WDR70: variants seen among roughly 807,000 people sequenced by gnomAD.
The protein encoded by WDR70 is WD repeat domain 70.
Under a neutral mutation model 88.6 loss-of-function variants are expected in WDR70, and 53 were observed. That is an observed-to-expected ratio of 0.60 (90% CI 0.48 to 0.75). The LOEUF (loss-of-function observed/expected upper bound fraction) is 0.75. Among genes scored for constraint, WDR70 ranks in the 30% least tolerant of loss-of-function variants. The probability of loss-of-function intolerance (pLI) is 0.00; values close to 1 mark genes in which losing one functional copy is unlikely to be tolerated. For missense variants in WDR70, 610 were observed against 823.2 expected, an observed-to-expected ratio of 0.74 and a Z score of 3.17; for synonymous variants, 280 against 270.0, an observed-to-expected ratio of 1.04 and a Z score of -0.36.
intron 7 of WDR70, among the ~76,000 whole-genome samples, chr5:37,460,836 A>C (rs4302615): frequency 0.85 from 127,917 of 150,984 alleles, 57,681 homozygotes; most frequent in East Asian, 1. Flanking sequence ...TGTTATGTGC[A>C]TAAAGGTTCT....
chr5:37,702,920 T>C (rs41270339), intron 12 of WDR70, 29 bp from the exon 13 acceptor site: 14 of 1,592,428 alleles, frequency 8.8e-6, no homozygotes, highest in Admixed American at 1.7e-5. Context: ...GGTCATAAGC[T>C]TATACTCGTA....
intron 7 of WDR70, among the ~76,000 whole-genome samples, chr5:37,455,653 T>TTTTTTTGC (rs1738814333): frequency 7.0e-6 from 1 of 142,672 alleles, no homozygotes; most frequent in South Asian, 2.3e-4. Context: ...TTTTTTTTTT[T>TTTTTTTGC]TTGCCACAAT....
At chr5:37,735,276 A>C in intron 17 of WDR70, among the ~76,000 whole-genome samples, 1 of 152,168 alleles carries the variant, frequency 6.6e-6, no homozygotes, top group East Asian at 1.9e-4. Context: ...CAAAATATCT[A>C]AAGATATTTT....
intron 10 of WDR70, among the ~76,000 whole-genome samples, chr5:37,662,613 T>C (rs1352583333): frequency 6.6e-6 from 1 of 152,174 alleles, no homozygotes; most frequent in African/African-American, 2.4e-5. Flanking sequence ...TGTTGCAATG[T>C]GGAAATGAGG....
chr5:37,483,659 A>G (rs1279982852), intron 8 of WDR70, among the ~76,000 whole-genome samples: 1 of 151,966 alleles, frequency 6.6e-6, no homozygotes, highest in Non-Finnish European at 1.5e-5. Context: ...GGGGCTCCTC[A>G]CTTCCCAGAA....
At chr5:37,730,326 T>C (rs1238873172) in intron 17 of WDR70, among the ~76,000 whole-genome samples, 1 of 152,178 alleles carries the variant, frequency 6.6e-6, no homozygotes, top group Non-Finnish European at 1.5e-5. Flanking sequence ...TTTTTGAAAT[T>C]TGAATTGATC....
chr5:37,696,645 G>A (rs1196301192), intron 10 of WDR70, among the ~76,000 whole-genome samples: 1 of 152,160 alleles, frequency 6.6e-6, no homozygotes, highest in East Asian at 1.9e-4. Flanking sequence ...AGCATGGCAT[G>A]TGTGTGTGGG....
At chr5:37,672,439 G>A (rs896275478) in intron 10 of WDR70, among the ~76,000 whole-genome samples, 1 of 152,256 alleles carries the variant, frequency 6.6e-6, no homozygotes, top group South Asian at 2.1e-4. Flanking sequence ...TCGTACATTC[G>A]TTCTGTTCTG....
At chr5:37,665,135 A>G (rs575854314) in intron 10 of WDR70, among the ~76,000 whole-genome samples, 108 of 152,300 alleles carry the variant, frequency 7.1e-4, no homozygotes, top group Non-Finnish European at 1.2e-3. Context: ...CTTCTAATCT[A>G]TCTTTCCTTC....
At chr5:37,558,646 AT>A (rs1012286578) in intron 9 of WDR70, among the ~76,000 whole-genome samples, 30 of 151,804 alleles carry the variant, frequency 2.0e-4, no homozygotes, top group African/African-American at 4.8e-4. Flanking sequence ...CTTTAAAACA[AT>A]TTTTTTTCTT....
rs570873804 is a variant in WDR70, at chr5:37,482,247, C to G, written c.840+2260C>G. On this transcript the variant is annotated intron_variant, in intron 8 of 17. Coordinates refer to ENST00000265107, the MANE Select transcript of WDR70 (RefSeq NM_018034.4). ...ATTTTCGGGTATCTTTACAGCAGCA[C>G]CCCACTCTACTGGTATCAACTTATT... Among the ~76,000 whole-genome samples, 244 of 152,222 alleles carry G rather than the reference C, an allele frequency of 1.6e-3. 7 individuals carry two copies. In the South Asian group the frequency reaches 0.048, roughly 30 times the overall value.
chr5:37,403,057 G>A (rs111257075), intron 5 of WDR70, among the ~76,000 whole-genome samples: 3,349 of 143,368 alleles, frequency 0.023, 42 homozygotes, highest in African/African-American at 0.031. Context: ...AGCCATTCTC[G>A]TGCCTCAGCC....
At chr5:37,426,661 T>C (rs780886000) in intron 5 of WDR70, among the ~76,000 whole-genome samples, 8 of 152,172 alleles carry the variant, frequency 5.3e-5, no homozygotes, top group Non-Finnish European at 8.8e-5. Context: ...TATCCAGACT[T>C]CTTACTTGAT....
rs565991947 is a variant in WDR70, at chr5:37,593,323, A to G, written c.918-11741A>G. Among the ~76,000 whole-genome samples, 286 of 152,036 alleles carry G rather than the reference A, an allele frequency of 1.9e-3. 1 individual carries two copies. Among genetic ancestry groups the G allele is most frequent in the African/African-American group, 6.7e-3 (277 of 41,486 alleles). ...CCCTCCCCCTGCTCCCCACCCCTCA[A>G]CAGGCCCCAGGATGTGATGTTCCCT... On this transcript the variant is annotated intron_variant, in intron 9 of 17. Transcript: ENST00000265107.
intron 17 of WDR70, among the ~76,000 whole-genome samples, chr5:37,746,557 A>G (rs753411116): frequency 1.8e-4 from 27 of 152,328 alleles, no homozygotes; most frequent in South Asian, 6.2e-4. Context: ...GAAGAATCAA[A>G]TAGATGCAAT....
rs192009732 is a variant in WDR70, at chr5:37,428,861, C to G, written c.493-9061C>G. Among the ~76,000 whole-genome samples, 29 of 152,312 alleles carry G rather than the reference C, an allele frequency of 1.9e-4. No homozygotes were observed. In the East Asian group the frequency reaches 5.4e-3, roughly 28 times the overall value. ...AGTGATTATTACCATTTTACACTCT[C>G]ACCTGCAAAATTGGAGAATTCTGCC... On this transcript the variant is annotated intron_variant, in intron 5 of 17. Transcript: ENST00000265107.
At chr5:37,574,421 T>A (rs182428856) in intron 9 of WDR70, among the ~76,000 whole-genome samples, 4 of 152,326 alleles carry the variant, frequency 2.6e-5, no homozygotes, top group Non-Finnish European at 5.9e-5. Flanking sequence ...TTTCTTTGTC[T>A]TTTCCTTACC....
At chr5:37,488,388 G>T (rs546061937) in intron 8 of WDR70, among the ~76,000 whole-genome samples, 83 of 151,582 alleles carry the variant, frequency 5.5e-4, no homozygotes, top group African/African-American at 2.0e-3. Context: ...TATTAAATAG[G>T]TTTTCTATGC....
intron 10 of WDR70, among the ~76,000 whole-genome samples, chr5:37,630,006 G>GT (rs1472633535): frequency 6.6e-6 from 1 of 152,142 alleles, no homozygotes; most frequent in Non-Finnish European, 1.5e-5. Flanking sequence ...ACACAGTAGT[G>GT]TAGTTGTCAT....
Sources: allele counts gnomAD v4.1 joint callset (sites outside exome capture counted in the v4.1 genomes callset), GRCh38; gene constraint gnomAD v4.1.1; transcripts MANE v1.5; gene names NCBI Gene and HGNC (gene_info 2026-07-23, HGNC 2026-07-21).